LRRC4C: variants seen among roughly 807,000 people sequenced by gnomAD.
LRRC4C encodes leucine rich repeat containing 4C, also known as leucine-rich repeat-containing protein 4C.
Under a neutral mutation model 33.6 loss-of-function variants are expected in LRRC4C, and 5 were observed. That is an observed-to-expected ratio of 0.15 (90% CI 0.08 to 0.31). The LOEUF (loss-of-function observed/expected upper bound fraction) is 0.31, where lower values mean the gene tolerates loss of function less well. Ranked by LOEUF, LRRC4C falls within the 10% of genes least tolerant of loss-of-function variation. The pLI is 1.00. For missense variants in LRRC4C, 560 were observed against 796.7 expected (o/e 0.70, Z 3.58); for synonymous variants, 329 against 302.0 (o/e 1.09, Z -0.93).
intron 1 of LRRC4C, among the ~76,000 whole-genome samples, chr11:41,239,475 G>T (rs1948163955): frequency 6.6e-6 from 1 of 151,782 alleles, no homozygotes; most frequent in Admixed American, 6.6e-5. Context: ...AACTACAATG[G>T]CCTTGTTGCT....
chr11:41,279,157 G>T (rs1438950161), intron 1 of LRRC4C, among the ~76,000 whole-genome samples: 1 of 152,112 alleles, frequency 6.6e-6, no homozygotes, highest in Admixed American at 6.5e-5. Context: ...TTATGTGGCT[G>T]TGTCATATTC....
intron 2 of LRRC4C, among the ~76,000 whole-genome samples, chr11:40,832,472 A>G (rs1366730208): frequency 6.6e-6 from 1 of 152,164 alleles, no homozygotes; most frequent in Admixed American, 6.6e-5. Flanking sequence ...GACAAATAAA[A>G]AGTAGATAGA....
At chr11:40,734,935 T>A (rs1947781409) in intron 2 of LRRC4C, among the ~76,000 whole-genome samples, 1 of 151,784 alleles carries the variant, frequency 6.6e-6, no homozygotes, top group Non-Finnish European at 1.5e-5. Context: ...AACCACCCAA[T>A]CAGCTAGGGG....
At chr11:41,451,943 C>G (rs568849451) in intron 1 of LRRC4C, among the ~76,000 whole-genome samples, 1 of 151,368 alleles carries the variant, frequency 6.6e-6, no homozygotes, top group Non-Finnish European at 1.5e-5. Context: ...ATGTCTCCAA[C>G]AGCAAAAAAT....
At chr11:40,941,932 T>C (rs958997191) in intron 1 of LRRC4C, among the ~76,000 whole-genome samples, 13 of 152,080 alleles carry the variant, frequency 8.5e-5, no homozygotes, top group Non-Finnish European at 1.9e-4. Context: ...TTAGTTCAAG[T>C]CCATCAAGAA....
intron 1 of LRRC4C, among the ~76,000 whole-genome samples, chr11:41,155,301 TG>T (rs1430631908): frequency 6.6e-5 from 10 of 152,140 alleles, no homozygotes; most frequent in Admixed American, 6.6e-4. Context: ...GCAAGCTTGC[TG>T]GAAACAAGGA....
At chr11:40,803,014 A>C (rs1951101214) in intron 2 of LRRC4C, among the ~76,000 whole-genome samples, 1 of 152,206 alleles carries the variant, frequency 6.6e-6, no homozygotes, top group Non-Finnish European at 1.5e-5. Flanking sequence ...TAATTTAATA[A>C]AATTCTATAA....
intron 2 of LRRC4C, among the ~76,000 whole-genome samples, chr11:40,682,261 C>A (rs1039246066): frequency 6.8e-6 from 1 of 147,304 alleles, no homozygotes; most frequent in Non-Finnish European, 1.5e-5. Flanking sequence ...CAAAGTGAGG[C>A]CCCACCTTGA....
At chr11:41,403,038 T>C (rs1217078932) in intron 1 of LRRC4C, among the ~76,000 whole-genome samples, 1 of 152,058 alleles carries the variant, frequency 6.6e-6, no homozygotes. Flanking sequence ...AGAACAGTAT[T>C]TTTTTCTTTG....
chr11:40,143,927 T>C (rs1043857644), intron 5 of LRRC4C, among the ~76,000 whole-genome samples: 1 of 152,118 alleles, frequency 6.6e-6, no homozygotes, highest in Non-Finnish European at 1.5e-5. Flanking sequence ...AGTGCCTTCC[T>C]TGAGGGCTTT....
Position 40,818,619 on chromosome 11 carries a change from G to A in LRRC4C, c.-407+115016C>T, listed in dbSNP as rs576690193. On this transcript the variant is annotated intron_variant, in intron 2 of 6. Transcript: ENST00000528697. ...ATTTACTTCCTAAAAACAAATATAA[G>A]CACATTTTTCAAAATAATTTTAAGA... Among the ~76,000 whole-genome samples the A allele has an allele frequency of 8.6e-5, 13 of 151,876 alleles. No individual in the cohort carries two copies. In the South Asian group the frequency reaches 2.7e-3, roughly 31 times the overall value.
At chr11:40,855,697 G>A (rs974104575) in intron 2 of LRRC4C, among the ~76,000 whole-genome samples, 15 of 152,094 alleles carry the variant, frequency 9.9e-5, no homozygotes, top group African/African-American at 3.6e-4. Context: ...TTTATAATTA[G>A]CTGCCTATTT....
At chr11:40,367,835 G>A (rs1222571406) in intron 3 of LRRC4C, among the ~76,000 whole-genome samples, 1 of 152,008 alleles carries the variant, frequency 6.6e-6, no homozygotes. Flanking sequence ...AAATGTATTT[G>A]GTTATTATCT....
At chr11:40,867,206 T>C (rs566625208) in intron 2 of LRRC4C, among the ~76,000 whole-genome samples, 2 of 152,268 alleles carry the variant, frequency 1.3e-5, no homozygotes, top group East Asian at 3.9e-4. Flanking sequence ...TTTTGACATG[T>C]CCTAAGTATT....
chr11:41,287,695 C>A (rs1047684060), intron 1 of LRRC4C, among the ~76,000 whole-genome samples: 2 of 152,102 alleles, frequency 1.3e-5, no homozygotes, highest in African/African-American at 4.8e-5. Context: ...ATTTGTGAAA[C>A]CGCTTATAAA....
At chr11:40,596,135 G>A (rs922456767) in intron 3 of LRRC4C, among the ~76,000 whole-genome samples, 7 of 152,156 alleles carry the variant, frequency 4.6e-5, no homozygotes, top group African/African-American at 1.7e-4. Context: ...TGACAGCTGG[G>A]TTGGAGGAGG....
intron 3 of LRRC4C, among the ~76,000 whole-genome samples, chr11:40,442,477 T>G (rs901844491): frequency 6.6e-6 from 1 of 152,046 alleles, no homozygotes; most frequent in African/African-American, 2.4e-5. Flanking sequence ...TATAAATAAT[T>G]GAAATGTGAT....
chr11:41,434,945 G>C (rs575738588), intron 1 of LRRC4C, among the ~76,000 whole-genome samples: 171 of 152,180 alleles, frequency 1.1e-3, no homozygotes, highest in African/African-American at 4.0e-3. Flanking sequence ...AGCAGTATCT[G>C]GATGCATTTT....
At chr11:41,274,610 A>G (rs1949422234) in intron 1 of LRRC4C, among the ~76,000 whole-genome samples, 1 of 152,066 alleles carries the variant, frequency 6.6e-6, no homozygotes, top group African/African-American at 2.4e-5. Flanking sequence ...AGCACTCTGT[A>G]AAATGGACCA....
Sources: allele counts gnomAD v4.1 joint callset (sites outside exome capture counted in the v4.1 genomes callset), GRCh38; gene constraint gnomAD v4.1.1; transcripts MANE v1.5; gene names NCBI Gene and HGNC (gene_info 2026-07-23, HGNC 2026-07-21).